GABRB2: variants seen among roughly 807,000 people sequenced by gnomAD.
The protein encoded by GABRB2 is gamma-aminobutyric acid receptor subunit beta-2.
In GABRB2, 16 loss-of-function variants were observed where a neutral mutation model predicts 54.7. The observed-to-expected ratio is 0.29, with a 90% CI of 0.20 to 0.44. GABRB2 has a LOEUF of 0.44. Ranked by LOEUF, GABRB2 falls within the 20% of genes least tolerant of loss-of-function variation. The pLI, the probability that GABRB2 is intolerant of heterozygous loss-of-function variation, is 1.00. For synonymous variants in GABRB2, 244 were observed against 233.8 expected, an observed-to-expected ratio of 1.04 and a Z score of -0.40; for missense variants, 355 against 644.0, an observed-to-expected ratio of 0.55 and a Z score of 4.86.
chr5:161,319,869 T>C (rs184266665), intron 9 of GABRB2, among the ~76,000 whole-genome samples: 2 of 151,796 alleles, frequency 1.3e-5, no homozygotes, highest in African/African-American at 4.8e-5. Flanking sequence ...ATTGGTCGTT[T>C]TTCTTTTCTA....
intron 5 of GABRB2, among the ~76,000 whole-genome samples, chr5:161,407,285 A>G (rs1756374494): frequency 6.6e-6 from 1 of 152,082 alleles, no homozygotes; most frequent in Admixed American, 6.6e-5. Context: ...CCCCCTGACT[A>G]TTCCTATTTC....
chr5:161,398,476 A>G (rs1269005084), intron 5 of GABRB2, among the ~76,000 whole-genome samples: 1 of 152,186 alleles, frequency 6.6e-6, no homozygotes, highest in Non-Finnish European at 1.5e-5. Context: ...GCAGTCAGCA[A>G]CAATGCCCAA....
At chr5:161,381,601 G>A (rs1261064149) in intron 5 of GABRB2, among the ~76,000 whole-genome samples, 4 of 152,150 alleles carry the variant, frequency 2.6e-5, no homozygotes, top group Non-Finnish European at 2.9e-5. Flanking sequence ...AAGGGGGTGA[G>A]TGGATATTCA....
intron 3 of GABRB2, among the ~76,000 whole-genome samples, chr5:161,480,945 T>A (rs1439200531): frequency 6.6e-6 from 1 of 152,070 alleles, no homozygotes. Flanking sequence ...TAAAGGGTCA[T>A]AGATTTGGGA....
At chr5:161,310,911 C>T (rs1450172173) in intron 9 of GABRB2, among the ~76,000 whole-genome samples, 2 of 152,114 alleles carry the variant, frequency 1.3e-5, no homozygotes, top group Non-Finnish European at 2.9e-5. Context: ...CAGGCGTCCA[C>T]CACCACGCCC....
intron 3 of GABRB2, among the ~76,000 whole-genome samples, chr5:161,468,126 A>C (rs1247952638): frequency 6.6e-6 from 1 of 152,070 alleles, no homozygotes; most frequent in Non-Finnish European, 1.5e-5. Context: ...CTGTAATGCC[A>C]TTGTTACTAT....
intron 3 of GABRB2, among the ~76,000 whole-genome samples, chr5:161,503,319 T>A (rs1759505403): frequency 6.6e-6 from 1 of 150,844 alleles, no homozygotes; most frequent in African/African-American, 2.4e-5. Context: ...AGCAGAAAAA[T>A]TGGTAACTAA....
chr5:161,473,954 A>T (rs1561663141), intron 3 of GABRB2, among the ~76,000 whole-genome samples: 1 of 151,974 alleles, frequency 6.6e-6, no homozygotes, highest in Non-Finnish European at 1.5e-5. Flanking sequence ...AAACAAGGAA[A>T]CAAATATCAG....
chr5:161,329,080 A>G (rs73316972), intron 8 of GABRB2, among the ~76,000 whole-genome samples: 8,364 of 151,968 alleles, frequency 0.055, 631 homozygotes, highest in African/African-American at 0.17. Flanking sequence ...GTTTGTATAA[A>G]ACCTCCTCCC....
At chr5:161,479,585 A>AT (rs10691457) in intron 3 of GABRB2, among the ~76,000 whole-genome samples, 116,018 of 137,700 alleles carry the variant, frequency 0.84, 48,931 homozygotes, top group Admixed American at 0.88. Flanking sequence ...CATTGAAACA[A>AT]TTTTTTTTTT....
At chr5:161,480,063 A>G (rs1251377863) in intron 3 of GABRB2, among the ~76,000 whole-genome samples, 1 of 152,014 alleles carries the variant, frequency 6.6e-6, no homozygotes, top group Middle Eastern at 3.2e-3. Flanking sequence ...CCCCACTGCC[A>G]CTACCACTAC....
intron 3 of GABRB2, among the ~76,000 whole-genome samples, chr5:161,538,432 C>T (rs1228370864): frequency 6.6e-6 from 1 of 152,184 alleles, no homozygotes; most frequent in Non-Finnish European, 1.5e-5. Context: ...AGACAAAGAC[C>T]ATGAGGCACT....
intron 5 of GABRB2, among the ~76,000 whole-genome samples, chr5:161,368,452 A>AT (rs1755035413): frequency 6.6e-6 from 1 of 152,170 alleles, no homozygotes. Context: ...TCTTCAAACA[A>AT]TTGTTTCTCA....
chr5:161,294,268 A>G lies in GABRB2; in HGVS notation c.1352T>C (p.Phe451Ser). 1 of 1,614,154 alleles carries G rather than the reference A, an allele frequency of 6.2e-7. No individual in the cohort carries two copies. The highest frequency in any genetic ancestry group is 8.5e-7 in the Non-Finnish European group (1 of 1,180,002). ...ATGTCGTTCCAGAGCATTTCGGCCA[A>G]AACTATGCCTGGGCAACCCAGCTTT... is the stretch of plus-strand genomic sequence containing the variant. ...YRKAGLPRHS[F>S]GRNALERHVA... is the part of the protein sequence containing the mutation. Residue 451 changes from phenylalanine (F) to serine (S), a missense_variant, in exon 10 of 10, where the codon TTT becomes TCT. Phe to Ser is a radical substitution (Grantham distance 155). Transcript: ENST00000393959.
chr5:161,524,655 C>T (rs7722106), intron 3 of GABRB2, among the ~76,000 whole-genome samples: 59,519 of 150,984 alleles, frequency 0.39, 13,021 homozygotes, highest in African/African-American at 0.58. Flanking sequence ...TCTTTATTAA[C>T]ACTGAAAAAA....
intron 3 of GABRB2, among the ~76,000 whole-genome samples, chr5:161,460,977 A>G (rs1339477510): frequency 6.6e-6 from 1 of 152,172 alleles, no homozygotes; most frequent in Non-Finnish European, 1.5e-5. Context: ...AGGCCCTAAG[A>G]TAAATAGACA....
At chr5:161,482,246 C>A (rs1187444404) in intron 3 of GABRB2, among the ~76,000 whole-genome samples, 2 of 151,964 alleles carry the variant, frequency 1.3e-5, no homozygotes, top group Non-Finnish European at 2.9e-5. Flanking sequence ...AGAAGATGAA[C>A]CTATGTGCCT....
chr5:161,471,648 G>A (rs1053952871), intron 3 of GABRB2, among the ~76,000 whole-genome samples: 1 of 151,956 alleles, frequency 6.6e-6, no homozygotes, highest in Admixed American at 6.6e-5. Flanking sequence ...CTACCTTCTA[G>A]GTGATAACGG....
At chr5:161,384,645 TG>T (rs1364646684) in intron 5 of GABRB2, among the ~76,000 whole-genome samples, 3 of 152,196 alleles carry the variant, frequency 2.0e-5, no homozygotes, top group Non-Finnish European at 4.4e-5. Flanking sequence ...AATGCAAATT[TG>T]GCTCTTGGGA....
Sources: allele counts gnomAD v4.1 joint callset (sites outside exome capture counted in the v4.1 genomes callset), GRCh38; gene constraint gnomAD v4.1.1; transcripts MANE v1.5; gene names NCBI Gene and HGNC (gene_info 2026-07-23, HGNC 2026-07-21).